ZNF324B: variants seen among roughly 807,000 people sequenced by gnomAD.
The protein encoded by ZNF324B is zinc finger protein 324B.
Under a neutral mutation model 10.6 loss-of-function variants are expected in ZNF324B, and 7 were observed. The ratio of observed to expected loss-of-function variants is 0.66; its 90% CI spans 0.38 to 1.24. ZNF324B has a LOEUF of 1.24. Among genes scored for constraint, ZNF324B ranks in the 50% most tolerant of loss-of-function variants. The pLI, the probability that ZNF324B is intolerant of heterozygous loss-of-function variation, is 0.02. For synonymous variants in ZNF324B, 316 were observed against 321.0 expected (o/e 0.98, Z 0.17); for missense variants, 640 against 764.7 (o/e 0.84, Z 1.92).
the ZNF324B span, chr19:58,434,334 A>G: frequency 6.2e-7 from 1 of 1,614,204 alleles, no homozygotes; most frequent in Non-Finnish European, 8.5e-7. Context: ...GCCTTTCTCC[A>G]GTGTGAACTT....
chr19:58,441,990 A>G, the ZNF324B span: 1 of 152,298 alleles, frequency 6.6e-6, no homozygotes, highest in African/African-American at 2.4e-5. Context: ...TTTCCCCTAC[A>G]CATGAAATCT....
the ZNF324B span, chr19:58,434,057 C>T: frequency 3.1e-6 from 5 of 1,613,614 alleles, no homozygotes; most frequent in South Asian, 4.4e-5. Flanking sequence ...CTTCCACATT[C>T]ACTGCACTCA....
chr19:58,453,918 C>T, intron 2 of ZNF324B, 96 bp downstream of exon 2: 1 of 1,521,784 alleles, frequency 6.6e-7, no homozygotes, highest in Non-Finnish European at 8.9e-7. Context: ...CAAATCTGGC[C>T]AGGGCCACGT....
At chr19:58,433,301 G>A in the ZNF324B span, 5 of 1,587,658 alleles carry the variant, frequency 3.1e-6, no homozygotes, top group Non-Finnish European at 4.3e-6. Flanking sequence ...TTCTCACAAA[G>A]ACCACTTCCA....
the ZNF324B span, chr19:58,433,193 A>G: frequency 1.0e-6 from 1 of 974,660 alleles, no homozygotes; most frequent in East Asian, 2.5e-5. Context: ...GGTCAGAAAC[A>G]GAGTAGCTTC....
At chr19:58,427,065 T>A in the ZNF324B span, among the ~76,000 whole-genome samples, 1 of 152,228 alleles carries the variant, frequency 6.6e-6, no homozygotes, top group South Asian at 2.1e-4. Context: ...GAAGGCAGGT[T>A]CAGTAGAAAC....
chr19:58,451,888 C>A, intron 1 of ZNF324B, 184 bp downstream of exon 1: 1 of 251,662 alleles, frequency 4.0e-6, no homozygotes, highest in Non-Finnish European at 8.0e-6. Context: ...CGCGGGGCAG[C>A]CGCGGGAGGC....
the ZNF324B span, among the ~76,000 whole-genome samples, chr19:58,431,564 C>T: frequency 6.6e-6 from 1 of 152,160 alleles, no homozygotes; most frequent in African/African-American, 2.4e-5. Context: ...CCTGGCCAGG[C>T]CTCTCCTTTA....
At position 58,455,089 on chromosome 19, in the gene ZNF324B, C is replaced by T. The variant is rs770462672; in HGVS notation, c.239-94C>T. ...CTTCTTTTTCCCTAAGCTTTTGTCC[C>T]GGCTCCTGGGCTCCCCCTTGCCTGT... On this transcript the variant is annotated intron_variant, in intron 3 of 3. Transcript: ENST00000336614. This position sits in a 1 kb window ranked among gnomAD's most constrained non-coding sequence, Gnocchi z 7.0. 1.0e-5 allele frequency: 16 copies of T among 1,548,536 alleles called. No homozygotes were observed. The highest frequency in any genetic ancestry group is 6.7e-5 in the East Asian group (3 of 44,612).
chr19:58,432,722 C>T, the ZNF324B span: 3 of 165,834 alleles, frequency 1.8e-5, no homozygotes, highest in Non-Finnish European at 4.0e-5. Context: ...TTCTACTGTG[C>T]CCTTAGGCAG....
chr19:58,456,683 C>A lies in ZNF324B; in HGVS notation c.*104C>A. ...ATCCACGATGGGGAAAAGCTCTGTG[C>A]CTGAGAGTCAGGGACGAGGGAGACC... On this transcript the variant is annotated 3_prime_UTR_variant, in exon 4 of 4. Transcript: ENST00000336614. This position sits in a 1 kb window ranked among gnomAD's most constrained non-coding sequence, Gnocchi z 4.7. 3 of 1,390,234 alleles carry A rather than the reference C, an allele frequency of 2.2e-6. No individual in the cohort carries two copies. Among genetic ancestry groups the A allele is most frequent in the Non-Finnish European group, 1.9e-6 (2 of 1,032,574 alleles). The allele number at this position is 1,390,234 out of a possible 1,614,324, so 86.1% of individuals were successfully genotyped here.
the ZNF324B span, among the ~76,000 whole-genome samples, chr19:58,446,570 T>TCC: frequency 1.2e-5 from 1 of 82,526 alleles, no homozygotes; most frequent in Non-Finnish European, 2.2e-5. Flanking sequence ...ATAATTTCTT[T>TCC]CTCTTTTTTT....
the ZNF324B span, among the ~76,000 whole-genome samples, chr19:58,427,358 CTTTCTTTCTTTCTTTCTTT>C: frequency 2.4e-4 from 13 of 55,226 alleles, no homozygotes; most frequent in African/African-American, 6.7e-4. Flanking sequence ...TCCTTTCTTT[CTTTCTTTCTTTCTTTCTTT>C]CTTTCTTTCT....
chr19:58,446,573 C>CT, the ZNF324B span, among the ~76,000 whole-genome samples: 1,795 of 102,508 alleles, frequency 0.018, 43 homozygotes, highest in East Asian at 0.057. Flanking sequence ...ATTTCTTTCT[C>CT]TTTTTTTTTT....
At chr19:58,424,571 AAGAC>A in the ZNF324B span, among the ~76,000 whole-genome samples, 2 of 152,238 alleles carry the variant, frequency 1.3e-5, no homozygotes, top group Non-Finnish European at 2.9e-5. Flanking sequence ...TAAAATGAAA[AAGAC>A]AAACATACAA....
At chr19:58,440,157 G>A in the ZNF324B span, 7 of 361,778 alleles carry the variant, frequency 1.9e-5, no homozygotes, top group African/African-American at 4.4e-5. Flanking sequence ...CCGCAATGGC[G>A]GCGCCGGAAG....
chr19:58,439,768 GC>G, the ZNF324B span: 1 of 1,544,144 alleles, frequency 6.5e-7, no homozygotes, highest in East Asian at 2.5e-5. Flanking sequence ...CCTGCGCCGG[GC>G]CCATCAGCAA....
In ZNF324B at chr19:58,456,851, AG is replaced by A. The variant is rs2122376643; in HGVS notation, c.*273del. 1.8e-6 allele frequency: 1 copy of A among 555,156 alleles called. No homozygotes were observed. Among genetic ancestry groups the A allele is most frequent in the East Asian group, 2.9e-5 (1 of 33,918 alleles). 34.4% of individuals were successfully genotyped at this position (555,156 alleles called of 1,614,324 possible). ...GGAACTCTGGTGGGGCTGAGGCTGTAGTTGGGGCCATAGGACGCCGACAAAG... is the reference window on the plus strand; with the variant it reads ...GGAACTCTGGTGGGGCTGAGGCTGTATTGGGGCCATAGGACGCCGACAAAG... On this transcript the variant is annotated 3_prime_UTR_variant, in exon 4 of 4. Coordinates refer to ENST00000336614, the MANE Select transcript of ZNF324B (RefSeq NM_207395.3). The surrounding 1 kb of genome is among the most constrained non-coding windows in gnomAD (Gnocchi z 4.7).
the ZNF324B span, among the ~76,000 whole-genome samples, chr19:58,427,291 T>TTTTCTTTCTTTCTTTCTTTC: frequency 6.6e-3 from 387 of 58,322 alleles, 49 homozygotes; most frequent in African/African-American, 0.01. Context: ...TGCCTGGCTT[T>TTTTCTTTCTTTCTTTCTTTC]TTTCTTTCTT....
Sources: allele counts gnomAD v4.1 joint callset (sites outside exome capture counted in the v4.1 genomes callset), GRCh38; gene constraint gnomAD v4.1.1; non-coding constraint Gnocchi (gnomAD v3.1); transcripts MANE v1.5; gene names NCBI Gene and HGNC (gene_info 2026-07-23, HGNC 2026-07-21).